RHEB: variants seen among roughly 807,000 people sequenced by gnomAD.
RHEB encodes GTP-binding protein Rheb.
A neutral mutation model predicts 28.8 loss-of-function variants in RHEB; 2 were observed. That is an observed-to-expected ratio of 0.07 (90% CI 0.03 to 0.22). The LOEUF (loss-of-function observed/expected upper bound fraction) is 0.22. Among genes scored for constraint, RHEB ranks in the 10% least tolerant of loss-of-function variants. The pLI is 1.00. For synonymous variants in RHEB, 69 were observed against 77.3 expected (o/e 0.89, Z 0.56); for missense variants, 76 against 219.9 (o/e 0.35, Z 4.14).
intron 3 of RHEB, among the ~76,000 whole-genome samples, chr7:151,479,952 A>T (rs1252598685): frequency 2.0e-5 from 3 of 152,234 alleles, no homozygotes; most frequent in African/African-American, 7.2e-5. Context: ...CTTCTAACAT[A>T]GGAAAAATCA....
intron 3 of RHEB, among the ~76,000 whole-genome samples, chr7:151,484,108 G>C (rs1422440077): frequency 1.3e-5 from 2 of 151,996 alleles, no homozygotes; most frequent in African/African-American, 2.4e-5. Context: ...ACTCAAACCA[G>C]AGCCTGGACT....
rs948863013 is a variant in RHEB at position 151,490,179 on chromosome 7, T to G, written c.124+764A>C. 2.0e-5 allele frequency among the ~76,000 whole-genome samples: 3 copies of G among 152,198 alleles called. No individual in the cohort carries two copies. The East Asian group carries it at 5.8e-4, about 29-fold the overall frequency. Reference sequence around the variant, plus strand: ...AAAGCTGGGCACAGTGTTGTATGCCTGTAGTTCCAGCCACCTGGGAGGCTG... The same window carrying G: ...AAAGCTGGGCACAGTGTTGTATGCCGGTAGTTCCAGCCACCTGGGAGGCTG... On this transcript the variant is annotated intron_variant, in intron 2 of 7. Coordinates refer to ENST00000262187, the MANE Select transcript of RHEB (RefSeq NM_005614.4).
intron 2 of RHEB, among the ~76,000 whole-genome samples, chr7:151,486,600 G>C (rs1433670474): frequency 6.6e-6 from 1 of 152,202 alleles, no homozygotes; most frequent in Non-Finnish European, 1.5e-5. Flanking sequence ...GGAGGCAGAA[G>C]GTCCTACAGA....
intron 1 of RHEB, among the ~76,000 whole-genome samples, chr7:151,492,981 A>G (rs1172423362): frequency 2.6e-5 from 4 of 151,618 alleles, no homozygotes; most frequent in Non-Finnish European, 5.9e-5. Flanking sequence ...CTGGGATTAC[A>G]GGCACGCGCC....
chr7:151,467,536 T>TG (rs60213187), intron 7 of RHEB, among the ~76,000 whole-genome samples: 152,166 of 152,166 alleles, frequency 1, 76,083 homozygotes, highest in Non-Finnish European at 1. Flanking sequence ...CAGTGTCCTC[T>TG]GACCTCAGGG....
intron 1 of RHEB, among the ~76,000 whole-genome samples, chr7:151,512,321 C>G (rs746698123): frequency 6.6e-6 from 1 of 152,206 alleles, no homozygotes; most frequent in Non-Finnish European, 1.5e-5. Context: ...GTGGCAGTGT[C>G]TCATTCTGTG....
At chr7:151,474,205 G>T (rs1802224913) in intron 4 of RHEB, among the ~76,000 whole-genome samples, 1 of 150,410 alleles carries the variant, frequency 6.6e-6, no homozygotes, top group Admixed American at 6.6e-5. Flanking sequence ...TTGAGACACA[G>T]CCTTGCTTTG....
Position 151,468,905 on chromosome 7 carries a change from G to A in RHEB, c.462+1666C>T, listed in dbSNP as rs1324299896. On this transcript the variant is annotated intron_variant, in intron 7 of 7. Coordinates refer to ENST00000262187, the MANE Select transcript of RHEB (RefSeq NM_005614.4). This position sits in a 1 kb window ranked among gnomAD's most constrained non-coding sequence, Gnocchi z 4.3. ...AATTCAGTCCTAGTTCTTATACCAC[G>A]TAAGGTAGTGGGTGATCTTAGAAAA... 6.6e-6 allele frequency among the ~76,000 whole-genome samples: 1 copy of A among 152,236 alleles called. No homozygotes were observed. Among genetic ancestry groups the A allele is most frequent in the East Asian group, 1.9e-4 (1 of 5,202 alleles).
chr7:151,482,994 G>A (rs77216223), intron 3 of RHEB, among the ~76,000 whole-genome samples: 5,183 of 152,210 alleles, frequency 0.034, 263 homozygotes, highest in African/African-American at 0.12. Flanking sequence ...GGTATCAGGG[G>A]GTGAAAGCCT....
At chr7:151,499,563 C>T (rs1320011260) in intron 1 of RHEB, among the ~76,000 whole-genome samples, 2 of 152,152 alleles carry the variant, frequency 1.3e-5, no homozygotes, top group Non-Finnish European at 2.9e-5. Flanking sequence ...GTACCTGGCA[C>T]CCATCACATA....
At chr7:151,474,239 C>T (rs1376613536) in intron 4 of RHEB, among the ~76,000 whole-genome samples, 1 of 151,650 alleles carries the variant, frequency 6.6e-6, no homozygotes, top group African/African-American at 2.4e-5. Context: ...AGTGCAATGG[C>T]ATGATTTCAG....
chr7:151,491,073 T>G, intron 1 of RHEB, 59 bp from the exon 2 acceptor site: 2 of 1,279,114 alleles, frequency 1.6e-6, no homozygotes, highest in South Asian at 2.5e-5. Flanking sequence ...AATTTTTAAT[T>G]TTGCTGTTTT....
chr7:151,516,899 G>A (rs1803091225), intron 1 of RHEB, among the ~76,000 whole-genome samples: 1 of 152,078 alleles, frequency 6.6e-6, no homozygotes, highest in Non-Finnish European at 1.5e-5. Context: ...AATTTCTCTG[G>A]TACAGCACCA....
At chr7:151,474,875 T>C (rs1802245593) in intron 4 of RHEB, among the ~76,000 whole-genome samples, 1 of 152,252 alleles carries the variant, frequency 6.6e-6, no homozygotes, top group Non-Finnish European at 1.5e-5. Flanking sequence ...TTTACTGACA[T>C]ATTTCTTGTA....
intron 1 of RHEB, among the ~76,000 whole-genome samples, chr7:151,506,213 G>T (rs1050914802): frequency 2.0e-5 from 3 of 149,454 alleles, no homozygotes; most frequent in African/African-American, 4.9e-5. Context: ...TTGAGACAGG[G>T]TCTCTATCTG....
In RHEB at chr7:151,516,622, C is replaced by CAAA. The variant is rs551863062; in HGVS notation, c.52+2835_52+2837dup. On this transcript the variant is annotated intron_variant, in intron 1 of 7. Transcript: ENST00000262187. The stretch of plus-strand genomic sequence containing the variant: ...TGGGTGATAGAGTGAGACTCTGTCA[C>CAAA]AAAAAAAAAAAAAAAAAAAAAAGAA... Among the ~76,000 whole-genome samples, 694 of 91,776 alleles carry CAAA rather than the reference C, an allele frequency of 7.6e-3. 2 individuals carry two copies. Among genetic ancestry groups the CAAA allele is most frequent in the African/African-American group, 9.3e-3 (213 of 22,954 alleles). 60.2% of individuals were successfully genotyped at this position (91,776 alleles called of 152,430 possible).
intron 4 of RHEB, among the ~76,000 whole-genome samples, chr7:151,474,711 G>T (rs959855935): frequency 9.9e-5 from 15 of 152,132 alleles, no homozygotes; most frequent in Non-Finnish European, 1.6e-4. Context: ...TACTCAGAAA[G>T]AGCAATTCTA....
intron 1 of RHEB, chr7:151,503,029 T>G: frequency 1.3e-6 from 1 of 785,106 alleles, no homozygotes; most frequent in East Asian, 2.4e-5. Context: ...AACGATACTT[T>G]GATGAAATCA....
chr7:151,504,008 G>A (rs1423842060), intron 1 of RHEB, among the ~76,000 whole-genome samples: 1 of 151,456 alleles, frequency 6.6e-6, no homozygotes, highest in East Asian at 1.9e-4. Flanking sequence ...ATGTTGAAAG[G>A]GTGAGCTAAT....
Sources: gnomAD v4.1 joint callset for allele counts (sites outside exome capture counted in the v4.1 genomes callset) on GRCh38, gnomAD v4.1.1 for gene constraint, Gnocchi (gnomAD v3.1) non-coding constraint, MANE v1.5 for transcripts, NCBI Gene and HGNC (gene_info 2026-07-23, HGNC 2026-07-21) for gene names.